The following C1QTNF7 variants were observed in gnomAD, a reference collection of about 807,000 sequenced individuals.
C1QTNF7 encodes C1q and TNF related 7.
C1QTNF7 carries 15 observed loss-of-function variants against 19.6 expected under a neutral mutation model. The observed-to-expected ratio is 0.76, with a 90% CI of 0.51 to 1.18. C1QTNF7 has a LOEUF of 1.18. Ranked by LOEUF, C1QTNF7 falls within the 50% of genes most tolerant of loss-of-function variation. The pLI is 0.00. For missense variants in C1QTNF7, 324 were observed against 359.7 expected, an observed-to-expected ratio of 0.90 and a Z score of 0.80; for synonymous variants, 142 against 137.5, an observed-to-expected ratio of 1.03 and a Z score of -0.23.
intron 1 of C1QTNF7, chr4:15,358,387 A>G (rs556543590): frequency 6.6e-6 from 1 of 152,240 alleles, no homozygotes; most frequent in South Asian, 2.1e-4. Flanking sequence ...ATTGATTTGC[A>G]TATGTTGAAC....
intron 1 of C1QTNF7, among the ~76,000 whole-genome samples, chr4:15,370,815 A>G (rs968110048): frequency 6.6e-6 from 1 of 152,188 alleles, no homozygotes; most frequent in Non-Finnish European, 1.5e-5. Context: ...GCAATTCCAC[A>G]TGTACTCTCT....
intron 1 of C1QTNF7, among the ~76,000 whole-genome samples, chr4:15,430,847 T>C (rs1712273582): frequency 6.6e-6 from 1 of 152,080 alleles, no homozygotes; most frequent in Non-Finnish European, 1.5e-5. Flanking sequence ...TGTGAAAAAA[T>C]GAAACAAAAA....
chr4:15,423,985 T>C (rs1711919677), upstream of C1QTNF7, among the ~76,000 whole-genome samples: 1 of 152,258 alleles, frequency 6.6e-6, no homozygotes, highest in Non-Finnish European at 1.5e-5. Flanking sequence ...TATCAAATGG[T>C]ATTAACTGTC....
At chr4:15,353,784 C>A (rs1467164483) in intron 1 of C1QTNF7, among the ~76,000 whole-genome samples, 1 of 151,080 alleles carries the variant, frequency 6.6e-6, no homozygotes, top group Admixed American at 6.6e-5. Flanking sequence ...AAAAAAAAAT[C>A]TGGACAATAC....
At position 15,443,192 on chromosome 4, in the gene C1QTNF7, CG is replaced by C. The variant is rs1712856924; in HGVS notation, c.*394del. ...ACATCCCAAAATCTTTGACAATTCT[CG>C]AAAGGCTATATAGTAAGTCAAAAAC... On this transcript the variant is annotated 3_prime_UTR_variant, in exon 3 of 3. Coordinates refer to ENST00000444304, the MANE Select transcript of C1QTNF7 (RefSeq NM_031911.5). The C allele has an allele frequency of 6.3e-6, 1 of 157,796 alleles. No individual in the cohort carries two copies. Among genetic ancestry groups the C allele is most frequent in the Admixed American group, 6.2e-5 (1 of 16,002 alleles). 9.8% of individuals were successfully genotyped at this position (157,796 alleles called of 1,614,324 possible). A position where few individuals can be genotyped will look rare whatever the true frequency, so the allele number is the denominator to read the frequency against.
chr4:15,340,398 T>G (rs1294848235), intron 1 of C1QTNF7, among the ~76,000 whole-genome samples: 1 of 152,154 alleles, frequency 6.6e-6, no homozygotes, highest in Non-Finnish European at 1.5e-5. Flanking sequence ...TCTATTCTGC[T>G]TGATTCATGA....
chr4:15,363,146 G>T (rs1177369587), intron 1 of C1QTNF7, among the ~76,000 whole-genome samples: 1 of 152,040 alleles, frequency 6.6e-6, no homozygotes, highest in East Asian at 1.9e-4. Flanking sequence ...GTCTTCCCTT[G>T]ATGGTATTTT....
intron 1 of C1QTNF7, among the ~76,000 whole-genome samples, chr4:15,389,611 G>A (rs954875026): frequency 3.3e-5 from 5 of 152,042 alleles, no homozygotes; most frequent in African/African-American, 1.2e-4. Flanking sequence ...TAGAGACAGG[G>A]TTTCACCATG....
intron 1 of C1QTNF7, among the ~76,000 whole-genome samples, chr4:15,340,714 A>G (rs1012437591): frequency 6.6e-6 from 1 of 152,224 alleles, no homozygotes; most frequent in Non-Finnish European, 1.5e-5. Context: ...TATTTTTAAA[A>G]GTTAAATAAA....
chr4:15,416,074 G>T (rs115937489), intron 1 of C1QTNF7, among the ~76,000 whole-genome samples: 1 of 151,998 alleles, frequency 6.6e-6, no homozygotes, highest in Non-Finnish European at 1.5e-5. Context: ...GGGGAAAAAG[G>T]GTTTGCACGA....
At chr4:15,406,853 T>C (rs1165941074) in intron 1 of C1QTNF7, among the ~76,000 whole-genome samples, 1 of 152,224 alleles carries the variant, frequency 6.6e-6, no homozygotes, top group Non-Finnish European at 1.5e-5. Context: ...AATATGTATC[T>C]TTCCAGATGC....
At chr4:15,422,159 A>AG (rs1711801328) in intron 1 of C1QTNF7, among the ~76,000 whole-genome samples, 8 of 151,550 alleles carry the variant, frequency 5.3e-5, no homozygotes, top group Admixed American at 5.3e-4. Flanking sequence ...TAATACCAAA[A>AG]GGGTAAATTT....
intron 1 of C1QTNF7, among the ~76,000 whole-genome samples, chr4:15,350,490 C>T (rs989937706): frequency 5.9e-5 from 9 of 152,104 alleles, no homozygotes; most frequent in Non-Finnish European, 1.3e-4. Context: ...ATTGCCTGAC[C>T]TCTGAGATCT....
chr4:15,361,679 C>T (rs1377010576), intron 1 of C1QTNF7, among the ~76,000 whole-genome samples: 1 of 152,144 alleles, frequency 6.6e-6, no homozygotes, highest in Non-Finnish European at 1.5e-5. Context: ...TTAATATGGT[C>T]TACTCTGGTT....
intron 1 of C1QTNF7, among the ~76,000 whole-genome samples, chr4:15,394,569 G>C (rs1718712107): frequency 6.6e-6 from 1 of 152,230 alleles, no homozygotes; most frequent in Non-Finnish European, 1.5e-5. Flanking sequence ...TGAACAGTGG[G>C]AATCCTTGAG....
intron 1 of C1QTNF7, among the ~76,000 whole-genome samples, chr4:15,417,995 C>T (rs573434436): frequency 6.6e-6 from 1 of 152,240 alleles, no homozygotes; most frequent in East Asian, 1.9e-4. Flanking sequence ...CCTACCAGGC[C>T]CCATCTCCAA....
chr4:15,430,788 C>G (rs893374927), intron 1 of C1QTNF7, among the ~76,000 whole-genome samples: 1 of 152,074 alleles, frequency 6.6e-6, no homozygotes, highest in African/African-American at 2.4e-5. Context: ...AGTTATATCC[C>G]TACCTCACAC....
intron 1 of C1QTNF7, among the ~76,000 whole-genome samples, chr4:15,430,209 C>A (rs1485378177): frequency 6.6e-6 from 1 of 152,124 alleles, no homozygotes; most frequent in Non-Finnish European, 1.5e-5. Context: ...AAAACAAAAA[C>A]CTGTTACTTT....
At chr4:15,437,124 T>C (rs1356634917) in intron 2 of C1QTNF7, among the ~76,000 whole-genome samples, 1 of 152,222 alleles carries the variant, frequency 6.6e-6, no homozygotes, top group African/African-American at 2.4e-5. Context: ...AACTGAGTCA[T>C]AATTATGAAT....
Sources: allele counts gnomAD v4.1 joint callset (sites outside exome capture counted in the v4.1 genomes callset), GRCh38; gene constraint gnomAD v4.1.1; transcripts MANE v1.5; gene names NCBI Gene and HGNC (gene_info 2026-07-23, HGNC 2026-07-21).